TESC: variants seen among roughly 807,000 people sequenced by gnomAD.
TESC encodes the protein tescalcin, also known as calcineurin B homologous protein 3.
A neutral mutation model predicts 31.0 loss-of-function variants in TESC; 19 were observed. The observed-to-expected ratio is 0.61, with a 90% confidence interval of 0.43 to 0.90. The LOEUF is 0.90. TESC is among the 40% of genes least tolerant of loss of function. The pLI is 0.00. For missense variants in TESC, 248 were observed against 303.8 expected (o/e 0.82, Z 1.36); for synonymous variants, 109 against 114.8 (o/e 0.95, Z 0.32).
chr12:117,054,652 C>T (rs1954695821), intron 3 of TESC, among the ~76,000 whole-genome samples: 1 of 152,202 alleles, frequency 6.6e-6, no homozygotes. Context: ...AGCAGCACCC[C>T]AGTTTCCAGT....
chr12:117,075,899 A>ATATATATGTG (rs1565971558), intron 1 of TESC, among the ~76,000 whole-genome samples: 6 of 73,180 alleles, frequency 8.2e-5, no homozygotes, highest in African/African-American at 4.9e-4. Flanking sequence ...ATATATATAT[A>ATATATATGTG]TATATATATA....
chr12:117,056,015 G>T (rs778366889), intron 3 of TESC, among the ~76,000 whole-genome samples: 9 of 151,506 alleles, frequency 5.9e-5, no homozygotes, highest in Non-Finnish European at 1.0e-4. Flanking sequence ...CCGCCTCCCG[G>T]GTTCAAGAGA....
chr12:117,093,190 C>T (rs1439675029), intron 1 of TESC, among the ~76,000 whole-genome samples: 1 of 152,218 alleles, frequency 6.6e-6, no homozygotes, highest in African/African-American at 2.4e-5. Flanking sequence ...TTCTGGAGGG[C>T]AGGGACCGCA....
Position 117,076,619 on chromosome 12 carries a change from C to T in TESC, c.59-1279G>A, listed in dbSNP as rs185716658. Among the ~76,000 whole-genome samples the T allele has an allele frequency of 2.0e-4, 30 of 152,212 alleles. 1 individual carries two copies. In the South Asian group the frequency reaches 5.4e-3, roughly 27 times the overall value. On this transcript the variant is annotated intron_variant, in intron 1 of 7. Coordinates refer to ENST00000335209, the MANE Select transcript of TESC (RefSeq NM_017899.4). ...CCACCACGCCCAGCTAATTTTTATA[C>T]GTTTAGCAGAGACGGGGTTTCGCCA...
intron 2 of TESC, among the ~76,000 whole-genome samples, chr12:117,061,190 G>A (rs370836806): frequency 3.9e-5 from 6 of 152,220 alleles, no homozygotes; most frequent in East Asian, 3.9e-4. Flanking sequence ...ACCACAGATG[G>A]CACCTTGCAG....
chr12:117,066,200 CTTTTTTTTTTT>C (rs58829406), intron 2 of TESC, among the ~76,000 whole-genome samples: 1 of 62,966 alleles, frequency 1.6e-5, no homozygotes. Context: ...CTTCCTTTAG[CTTTTTTTTTTT>C]TTTTTTTTTT....
chr12:117,045,616 CCT>C (rs1441422944), intron 6 of TESC, among the ~76,000 whole-genome samples: 2 of 152,230 alleles, frequency 1.3e-5, no homozygotes, highest in African/African-American at 4.8e-5. Flanking sequence ...GACCACAGCC[CCT>C]GCCCCTGGGG....
At chr12:117,073,413 G>A (rs146350022) in intron 2 of TESC, among the ~76,000 whole-genome samples, 12 of 152,244 alleles carry the variant, frequency 7.9e-5, no homozygotes, top group East Asian at 7.7e-4. Flanking sequence ...TCTTTAAGTC[G>A]GCCTTGGATG....
At chr12:117,042,944 T>C (rs1354756240) in intron 6 of TESC, among the ~76,000 whole-genome samples, 3 of 152,138 alleles carry the variant, frequency 2.0e-5, no homozygotes, top group African/African-American at 7.2e-5. Flanking sequence ...CAAGGTCTGA[T>C]TGCAAAAATT....
At chr12:117,061,495 A>T (rs1202578837) in intron 2 of TESC, among the ~76,000 whole-genome samples, 1 of 151,970 alleles carries the variant, frequency 6.6e-6, no homozygotes, top group African/African-American at 2.4e-5. Context: ...ATGTGCCTGG[A>T]GAAGAAATTA....
intron 1 of TESC, among the ~76,000 whole-genome samples, chr12:117,084,715 T>C (rs956807988): frequency 4.6e-5 from 7 of 152,130 alleles, no homozygotes; most frequent in African/African-American, 1.7e-4. Flanking sequence ...GAGTCCAGCC[T>C]CCCTCCCCTG....
At chr12:117,076,483 C>T (rs566740073) in intron 1 of TESC, among the ~76,000 whole-genome samples, 3 of 152,256 alleles carry the variant, frequency 2.0e-5, no homozygotes, top group South Asian at 4.2e-4. Flanking sequence ...CACACTCTGT[C>T]GCCCAGGCTA....
chr12:117,084,134 G>C (rs1955185533), intron 1 of TESC: 1 of 150,678 alleles, frequency 6.6e-6, no homozygotes, highest in African/African-American at 2.4e-5. Context: ...GGTGATGTTT[G>C]TATAACTTTG....
chr12:117,061,546 A>G (rs778177384), intron 2 of TESC, among the ~76,000 whole-genome samples: 1 of 151,934 alleles, frequency 6.6e-6, no homozygotes, highest in Non-Finnish European at 1.5e-5. Context: ...CAGCAACAAG[A>G]CATGCTTGAC....
intron 7 of TESC, 69 bp downstream of exon 7, chr12:117,041,878 C>T: frequency 1.4e-6 from 2 of 1,469,046 alleles, no homozygotes; most frequent in Non-Finnish European, 1.8e-6. Flanking sequence ...GAGCCATGTC[C>T]CCTCCTGACC....
At chr12:117,060,766 T>C (rs1243916241) in intron 2 of TESC, among the ~76,000 whole-genome samples, 1 of 152,140 alleles carries the variant, frequency 6.6e-6, no homozygotes, top group African/African-American at 2.4e-5. Context: ...TCTTACCAGA[T>C]ACCCTGCTGC....
chr12:117,075,913 A>ATATATATATG (rs1265957613), intron 1 of TESC, among the ~76,000 whole-genome samples: 24 of 51,944 alleles, frequency 4.6e-4, no homozygotes, highest in South Asian at 6.3e-4. Context: ...ATATATATAT[A>ATATATATATG]TGTGTGTGTG....
At chr12:117,040,755 C>T (rs545445398) in intron 7 of TESC, among the ~76,000 whole-genome samples, 1 of 152,334 alleles carries the variant, frequency 6.6e-6, no homozygotes, top group African/African-American at 2.4e-5. Context: ...TTCAGCCTTT[C>T]ATCACAGCCA....
At chr12:117,048,917 T>C (rs1954606682) in intron 4 of TESC, 102 bp downstream of exon 4, 1 of 1,573,254 alleles carries the variant, frequency 6.4e-7, no homozygotes, top group Non-Finnish European at 8.6e-7. Flanking sequence ...CCCAAGCCAA[T>C]GCACACCCAG....
Sources: allele counts gnomAD v4.1 joint callset (sites outside exome capture counted in the v4.1 genomes callset), GRCh38; gene constraint gnomAD v4.1.1; transcripts MANE v1.5; gene names NCBI Gene and HGNC (gene_info 2026-07-23, HGNC 2026-07-21).